Variants in SEL1L2 observed in about 807,000 individuals in gnomAD.
The protein encoded by SEL1L2 is protein sel-1 homolog 2.
Under a neutral mutation model 98.8 loss-of-function variants are expected in SEL1L2, and 89 were observed. The ratio of observed to expected loss-of-function variants is 0.90; its 90% CI spans 0.76 to 1.07. The LOEUF (loss-of-function observed/expected upper bound fraction) is 1.07. Among genes scored for constraint, SEL1L2 ranks in the 50% least tolerant of loss-of-function variants. The pLI, the probability that SEL1L2 is intolerant of heterozygous loss-of-function variation, is 0.00. For synonymous variants in SEL1L2, 262 were observed against 278.5 expected (o/e 0.94, Z 0.59); for missense variants, 788 against 812.0 (o/e 0.97, Z 0.36).
intron 5 of SEL1L2, among the ~76,000 whole-genome samples, chr20:13,903,496 A>G (rs977472794): frequency 4.6e-5 from 7 of 152,292 alleles, no homozygotes; most frequent in Non-Finnish European, 8.8e-5. Context: ...CATTGGTAAT[A>G]TGCCTTTCTT....
chr20:13,951,428 C>G (rs1393047639), intron 2 of SEL1L2, among the ~76,000 whole-genome samples: 1 of 137,418 alleles, frequency 7.3e-6, no homozygotes, highest in African/African-American at 2.7e-5. Context: ...AGTGAAACCC[C>G]GTCTCTACTA....
intron 2 of SEL1L2, among the ~76,000 whole-genome samples, chr20:13,933,731 A>G (rs2049262777): frequency 6.6e-6 from 1 of 152,168 alleles, no homozygotes; most frequent in Non-Finnish European, 1.5e-5. Flanking sequence ...ATCAGTATCT[A>G]GCAGACAGAA....
upstream of SEL1L2, among the ~76,000 whole-genome samples, chr20:13,992,837 G>A (rs1302666413): frequency 6.6e-6 from 1 of 152,116 alleles, no homozygotes; most frequent in Admixed American, 6.5e-5. Flanking sequence ...AGCAGGGAAA[G>A]GGGGTGGGAG....
intron 5 of SEL1L2, among the ~76,000 whole-genome samples, chr20:13,892,035 AT>A (rs1213586017): frequency 6.6e-6 from 1 of 152,234 alleles, no homozygotes; most frequent in Non-Finnish European, 1.5e-5. Context: ...CATTTAAAGT[AT>A]ATAAAGTAGT....
chr20:13,943,773 C>T (rs1408701532), intron 2 of SEL1L2, among the ~76,000 whole-genome samples: 1 of 152,046 alleles, frequency 6.6e-6, no homozygotes, highest in Non-Finnish European at 1.5e-5. Flanking sequence ...CAGATGAAGA[C>T]CCAGTAGTCT....
intron 5 of SEL1L2, among the ~76,000 whole-genome samples, chr20:13,894,776 C>G (rs2148043722): frequency 6.6e-6 from 1 of 152,228 alleles, no homozygotes; most frequent in African/African-American, 2.4e-5. Flanking sequence ...AAAATACAAC[C>G]TACCAATACT....
chr20:13,872,819 C>T (rs778061258), intron 12 of SEL1L2, among the ~76,000 whole-genome samples: 11 of 151,988 alleles, frequency 7.2e-5, no homozygotes, highest in South Asian at 2.1e-4. Context: ...GGAACCATGC[C>T]GGTGATATAA....
In SEL1L2 at chr20:13,849,442, A is replaced by G. The variant is rs376036332; in HGVS notation, c.*43T>C. 4.8e-5 allele frequency: 77 copies of G among 1,607,040 alleles called. No individual in the cohort carries two copies. Among genetic ancestry groups the G allele is most frequent in the Non-Finnish European group, 6.3e-5 (74 of 1,176,054 alleles). On this transcript the variant is annotated 3_prime_UTR_variant, in exon 20 of 20. Transcript: ENST00000284951. ...TGTTTATTTAGTGGGGATACCTTGG[A>G]GTGAACTGATTCCCGTGAGCAGGTT...
At chr20:13,929,992 T>C (rs577897871) in intron 3 of SEL1L2, among the ~76,000 whole-genome samples, 45 of 152,328 alleles carry the variant, frequency 3.0e-4, no homozygotes, top group African/African-American at 7.9e-4. Flanking sequence ...GGTTTCACCA[T>C]GTTGGCCAGG....
intron 5 of SEL1L2, among the ~76,000 whole-genome samples, chr20:13,913,224 C>G (rs903218787): frequency 6.6e-6 from 1 of 152,096 alleles, no homozygotes; most frequent in African/African-American, 2.4e-5. Context: ...TGAAAATATG[C>G]TTTTGCTACA....
Position 13,866,755 on chromosome 20 carries a change from TG to T in SEL1L2, c.1350del (p.Lys451ArgfsTer9). The T allele has an allele frequency of 1.2e-6, 2 of 1,612,526 alleles. No individual in the cohort carries two copies. Among genetic ancestry groups the T allele is most frequent in the Non-Finnish European group, 1.7e-6 (2 of 1,179,388 alleles). ...ACTCCTGTTCCTGTTGCATACATCT[TG>T]GCCAGATAATAAATGGCAAGGGGCT... Reference protein sequence around the residue: ...SGQPLAIYYLAKMYATGTGVV... With the variant: ...SGQPLAIYYLXKMYATGTGVV... On this transcript the variant is annotated frameshift_variant, in exon 15 of 20. Transcript: ENST00000284951. LOFTEE classifies it high-confidence loss of function.
intron 1 of SEL1L2, among the ~76,000 whole-genome samples, chr20:13,977,038 G>A (rs772010395): frequency 6.6e-6 from 1 of 152,196 alleles, no homozygotes; most frequent in Non-Finnish European, 1.5e-5. Flanking sequence ...AGAACAAGGT[G>A]AGCAGGGAAG....
intron 8 of SEL1L2, among the ~76,000 whole-genome samples, chr20:13,886,977 T>C (rs973445897): frequency 6.6e-6 from 1 of 152,114 alleles, no homozygotes; most frequent in Non-Finnish European, 1.5e-5. Context: ...TATATCAGAC[T>C]CTACTGAAGA....
chr20:13,936,531 A>T (rs2049460499), intron 2 of SEL1L2, among the ~76,000 whole-genome samples: 1 of 152,048 alleles, frequency 6.6e-6, no homozygotes, highest in Non-Finnish European at 1.5e-5. Context: ...TGTACCAGTG[A>T]CTCCTCTGTG....
chr20:13,932,162 G>T (rs1018680068), intron 2 of SEL1L2, among the ~76,000 whole-genome samples: 1 of 152,042 alleles, frequency 6.6e-6, no homozygotes, highest in Non-Finnish European at 1.5e-5. Flanking sequence ...ATAATGGGTG[G>T]AAAGTACAGA....
chr20:13,961,676 C>A (rs774548405), intron 1 of SEL1L2, among the ~76,000 whole-genome samples: 23 of 152,276 alleles, frequency 1.5e-4, no homozygotes, highest in Non-Finnish European at 4.4e-5. Flanking sequence ...TGGGCCATTT[C>A]TTATGTAAAA....
At chr20:13,856,254 C>T (rs2147738091) in intron 18 of SEL1L2, among the ~76,000 whole-genome samples, 1 of 152,196 alleles carries the variant, frequency 6.6e-6, no homozygotes, top group Non-Finnish European at 1.5e-5. Context: ...CTCAGCTTCC[C>T]AAGTAGCTGG....
At chr20:13,952,214 A>AT (rs761789122) in intron 2 of SEL1L2, among the ~76,000 whole-genome samples, 20 of 152,236 alleles carry the variant, frequency 1.3e-4, no homozygotes, top group African/African-American at 4.1e-4. Flanking sequence ...ACCAAGACAC[A>AT]TTTTTTCCCA....
chr20:13,956,070 A>G lies in SEL1L2; in HGVS notation c.114+6T>C. ...AAAAAATGTAAAGATTTAGCAAAAT[A>G]TTTACCTGTGTGGTGACATTTCTTT... On this transcript the variant is annotated splice_donor_region_variant and intron_variant, in intron 2 of 19. Coordinates refer to ENST00000284951, the MANE Select transcript of SEL1L2 (RefSeq NM_025229.2). 2 of 1,536,396 alleles carry G rather than the reference A, an allele frequency of 1.3e-6. No individual in the cohort carries two copies. The highest frequency in any genetic ancestry group is 1.2e-5 in the South Asian group (1 of 84,686).
Sources: gnomAD v4.1 joint callset for allele counts (sites outside exome capture counted in the v4.1 genomes callset) on GRCh38, gnomAD v4.1.1 for gene constraint, MANE v1.5 for transcripts, NCBI Gene and HGNC (gene_info 2026-07-23, HGNC 2026-07-21) for gene names.